DDAH1: variants seen among roughly 807,000 people sequenced by gnomAD.
DDAH1 encodes the protein dimethylarginine dimethylaminohydrolase 1.
A neutral mutation model predicts 28.8 loss-of-function variants in DDAH1; 19 were observed. That is an observed-to-expected ratio of 0.66 (90% confidence interval 0.46 to 0.97). The LOEUF (loss-of-function observed/expected upper bound fraction) is 0.97. Ranked by LOEUF, DDAH1 falls within the 50% of genes least tolerant of loss-of-function variation. The pLI, the probability that DDAH1 is intolerant of heterozygous loss-of-function variation, is 0.00. For missense variants in DDAH1, 326 were observed against 375.9 expected (o/e 0.87, Z 1.10); for synonymous variants, 153 against 154.4 (o/e 0.99, Z 0.07).
intron 5 of DDAH1, 126 bp from the exon 6 acceptor site, chr1:85,321,694 T>C (rs1661352082): frequency 1.3e-6 from 1 of 743,462 alleles, no homozygotes; most frequent in Non-Finnish European, 2.3e-6. Context: ...ACACAGGCAG[T>C]CTCAACCACA....
At chr1:85,538,840 C>T (rs144024662) in intron 1 of DDAH1, among the ~76,000 whole-genome samples, 7,955 of 152,232 alleles carry the variant, frequency 0.052, 327 homozygotes, top group African/African-American at 0.12. Context: ...TGTGTGCCTG[C>T]GGGATCAATT....
chr1:85,480,668 T>TG (rs1655976857), intron 2 of DDAH1, among the ~76,000 whole-genome samples: 2 of 152,068 alleles, frequency 1.3e-5, no homozygotes, highest in Admixed American at 1.3e-4. Flanking sequence ...TCACTTGAAT[T>TG]GGGGAGATGG....
At position 85,347,246 on chromosome 1, in the gene DDAH1, C is replaced by A. The variant is rs1292127518; in HGVS notation, c.597+3169G>T. On this transcript the variant is annotated intron_variant, in intron 4 of 5. Coordinates refer to ENST00000284031, the MANE Select transcript of DDAH1 (RefSeq NM_012137.4). ...ATCTAGAACTAGAAATACCATTTGA[C>A]CCAGCCATCCCGTTACTGAGTATAT... Among the ~76,000 whole-genome samples the A allele has an allele frequency of 2.0e-5, 3 of 152,166 alleles. No individual in the cohort carries two copies. In the East Asian group the frequency reaches 5.8e-4, roughly 29 times the overall value.
At position 85,411,014 on chromosome 1, in the gene DDAH1, C is replaced by A. The variant is rs556982399; in HGVS notation, c.304-52167G>T. On this transcript the variant is annotated intron_variant, in intron 1 of 5. Coordinates refer to ENST00000284031, the MANE Select transcript of DDAH1 (RefSeq NM_012137.4). ...GCTGTTGTAGATAGCACTGTTCATC[C>A]ATGGAGCTGAGATGATGTCTTGAGA... Among the ~76,000 whole-genome samples, 391 of 152,282 alleles carry A rather than the reference C, an allele frequency of 2.6e-3. 1 individual carries two copies. The highest frequency in any genetic ancestry group is 4.2e-3 in the Non-Finnish European group (286 of 68,024).
chr1:85,444,754 T>C lies in DDAH1; in HGVS notation c.303+19989A>G, dbSNP rs898749823. On this transcript the variant is annotated intron_variant, in intron 1 of 5. Transcript: ENST00000284031. ...ACAGGTGCTGTGGGAAAGGAGTTCA[T>C]AGATGTGTGAGTAACCATGCAAATA... Among the ~76,000 whole-genome samples, 3 of 152,216 alleles carry C rather than the reference T, an allele frequency of 2.0e-5. 1 individual carries two copies. Among genetic ancestry groups the C allele is most frequent in the South Asian group, 4.1e-4 (2 of 4,826 alleles).
upstream of DDAH1, among the ~76,000 whole-genome samples, chr1:85,466,829 A>ATTTTTTTTTT (rs1158919618): frequency 8.6e-5 from 4 of 46,582 alleles, no homozygotes; most frequent in East Asian, 1.8e-3. Context: ...TTCATTATTT[A>ATTTTTTTTTT]TTCTTTTTTT....
chr1:85,551,127 C>G (rs1413704690), intron 1 of DDAH1, among the ~76,000 whole-genome samples: 1 of 152,120 alleles, frequency 6.6e-6, no homozygotes, highest in African/African-American at 2.4e-5. Flanking sequence ...TGACAATGAC[C>G]TAAACTACTC....
At chr1:85,438,636 C>T (rs1417773742) in intron 1 of DDAH1, among the ~76,000 whole-genome samples, 1 of 152,150 alleles carries the variant, frequency 6.6e-6, no homozygotes. Flanking sequence ...ACATGTTATA[C>T]CACCAAGTCC....
In DDAH1 at chr1:85,324,460, T is replaced by C. The variant is rs141015401; in HGVS notation, c.741+280A>G. Among the ~76,000 whole-genome samples, 539 of 152,222 alleles carry C rather than the reference T, an allele frequency of 3.5e-3. 2 individuals are homozygous for C. Among genetic ancestry groups the C allele is most frequent in the African/African-American group, 0.012 (514 of 41,530 alleles). On this transcript the variant is annotated intron_variant, in intron 5 of 5. Coordinates refer to ENST00000284031, the MANE Select transcript of DDAH1 (RefSeq NM_012137.4). ...AGTACATTTAATCAGAGCTGGGGCA[T>C]AGACTTGGGTGACTACTTATTTGAA...
rs190039026 is a variant in DDAH1, at chr1:85,382,069, T to C, written c.304-23222A>G. ...ACATTTCTCACTTTAAATCAGAAGC[T>C]AGAAATTATGAAGCTTAGTGAGGAA... is the stretch of plus-strand genomic sequence containing the variant. On this transcript the variant is annotated intron_variant, in intron 1 of 5. Transcript: ENST00000284031. Among the ~76,000 whole-genome samples the C allele has an allele frequency of 1.4e-3, 213 of 152,262 alleles. 6 individuals are homozygous for C. Among genetic ancestry groups the C allele is most frequent in the Admixed American group, 0.014 (212 of 15,296 alleles).
At chr1:85,455,441 CT>C (rs907989887) in intron 1 of DDAH1, among the ~76,000 whole-genome samples, 1 of 151,008 alleles carries the variant, frequency 6.6e-6, no homozygotes, top group Non-Finnish European at 1.5e-5. Context: ...GTATCTTTTT[CT>C]TTTTTTTTGT....
intron 1 of DDAH1, among the ~76,000 whole-genome samples, chr1:85,429,634 A>G (rs953967258): frequency 2.0e-5 from 3 of 152,192 alleles, no homozygotes; most frequent in African/African-American, 7.2e-5. Flanking sequence ...TCACACCAAC[A>G]GTGTAAAAGT....
At chr1:85,547,759 C>A (rs1170209087) in intron 1 of DDAH1, among the ~76,000 whole-genome samples, 1 of 152,122 alleles carries the variant, frequency 6.6e-6, no homozygotes, top group African/African-American at 2.4e-5. Context: ...ATAAAATATT[C>A]CTGTGAGGAA....
At position 85,378,974 on chromosome 1, in the gene DDAH1, T is replaced by C. The variant is rs576554867; in HGVS notation, c.304-20127A>G. Among the ~76,000 whole-genome samples, 14 of 152,304 alleles carry C rather than the reference T, an allele frequency of 9.2e-5. No homozygotes were observed. The South Asian group carries it at 2.9e-3, about 32-fold the overall frequency. On this transcript the variant is annotated intron_variant, in intron 1 of 5. Transcript: ENST00000284031. ...AAAAGCTTTTTACCTTTACCATTTCTAAATTTCCTAATGTGCTTTAAATGC... is the reference window on the plus strand; with the variant it reads ...AAAAGCTTTTTACCTTTACCATTTCCAAATTTCCTAATGTGCTTTAAATGC...
chr1:85,401,008 T>C (rs1417155511), intron 1 of DDAH1, among the ~76,000 whole-genome samples: 4 of 152,212 alleles, frequency 2.6e-5, no homozygotes, highest in African/African-American at 4.8e-5. Flanking sequence ...CACAATGTGA[T>C]TGCCTTCTTC....
chr1:85,364,578 A>C (rs1163184745), intron 1 of DDAH1, among the ~76,000 whole-genome samples: 2 of 149,978 alleles, frequency 1.3e-5, no homozygotes, highest in African/African-American at 2.5e-5. Flanking sequence ...ACAGAGTTTC[A>C]CTCTTTTTGC....
intron 1 of DDAH1, among the ~76,000 whole-genome samples, chr1:85,410,996 T>C (rs1351117647): frequency 2.0e-5 from 3 of 152,270 alleles, no homozygotes; most frequent in Admixed American, 2.0e-4. Flanking sequence ...TAGGCTGTTG[T>C]AGATAGCACT....
At chr1:85,504,396 G>C (rs538840409) in intron 1 of DDAH1, among the ~76,000 whole-genome samples, 2 of 152,124 alleles carry the variant, frequency 1.3e-5, no homozygotes, top group Admixed American at 1.3e-4. Flanking sequence ...AGATGAGCAG[G>C]CTCTCAACAA....
At chr1:85,404,221 T>C (rs1177497461) in intron 1 of DDAH1, among the ~76,000 whole-genome samples, 2 of 152,220 alleles carry the variant, frequency 1.3e-5, no homozygotes, top group Non-Finnish European at 2.9e-5. Context: ...TCGCAAGTAT[T>C]GAGCATTTAA....
Sources: allele counts gnomAD v4.1 joint callset (sites outside exome capture counted in the v4.1 genomes callset), GRCh38; gene constraint gnomAD v4.1.1; transcripts MANE v1.5; gene names NCBI Gene and HGNC (gene_info 2026-07-23, HGNC 2026-07-21).